The following RBMS3 variants were observed in gnomAD, a reference collection of about 807,000 sequenced individuals.
RBMS3 encodes the protein RNA-binding motif, single-stranded-interacting protein 3.
Under a neutral mutation model 66.8 loss-of-function variants are expected in RBMS3, and 27 were observed. That is an observed-to-expected ratio of 0.40 (90% CI 0.30 to 0.56). The LOEUF (loss-of-function observed/expected upper bound fraction) is 0.56, where lower values mean the gene tolerates loss of function less well. RBMS3 is among the 20% of genes least tolerant of loss of function. RBMS3 has a pLI of 0.40. For synonymous variants in RBMS3, 188 were observed against 183.0 expected (o/e 1.03, Z -0.22); for missense variants, 513 against 549.5 (o/e 0.93, Z 0.66).
At chr3:29,725,142 A>T (rs540868956) in intron 4 of RBMS3, among the ~76,000 whole-genome samples, 1 of 152,320 alleles carries the variant, frequency 6.6e-6, no homozygotes, top group East Asian at 1.9e-4. Context: ...CAGGTGAGCT[A>T]CTTACTGAAT....
chr3:29,986,624 T>C (rs1698406676), intron 12 of RBMS3, among the ~76,000 whole-genome samples: 1 of 152,208 alleles, frequency 6.6e-6, no homozygotes, highest in Non-Finnish European at 1.5e-5. Context: ...ATCTACAACA[T>C]ACTCTATAGA....
At chr3:29,948,997 G>A (rs931328409) in intron 12 of RBMS3, among the ~76,000 whole-genome samples, 10 of 151,642 alleles carry the variant, frequency 6.6e-5, no homozygotes, top group African/African-American at 2.2e-4. Flanking sequence ...TGATATGTGC[G>A]CAAGTATTTG....
At chr3:29,546,107 T>TG (rs2045937840) in intron 3 of RBMS3, among the ~76,000 whole-genome samples, 4 of 111,208 alleles carry the variant, frequency 3.6e-5, no homozygotes, top group South Asian at 6.2e-4. Context: ...ATGAGACGGG[T>TG]TTGTGTGTGT....
chr3:29,788,554 G>A (rs770159693), intron 6 of RBMS3, among the ~76,000 whole-genome samples: 1 of 152,092 alleles, frequency 6.6e-6, no homozygotes, highest in Non-Finnish European at 1.5e-5. Flanking sequence ...TACAAGAAAA[G>A]CTGTCACATT....
intron 4 of RBMS3, among the ~76,000 whole-genome samples, chr3:29,650,641 A>G (rs1000181154): frequency 6.6e-6 from 1 of 152,124 alleles, no homozygotes; most frequent in Admixed American, 6.6e-5. Context: ...TGTGGCAGCC[A>G]AAGTGTCACT....
intron 8 of RBMS3, among the ~76,000 whole-genome samples, chr3:29,887,341 T>A (rs1421405272): frequency 6.6e-6 from 1 of 151,776 alleles, no homozygotes; most frequent in Non-Finnish European, 1.5e-5. Context: ...ATAATCCCCA[T>A]GTGTCAAGAG....
intron 2 of RBMS3, among the ~76,000 whole-genome samples, chr3:29,444,498 T>C (rs2041744134): frequency 6.6e-6 from 1 of 151,970 alleles, no homozygotes; most frequent in Non-Finnish European, 1.5e-5. Flanking sequence ...AGAAAGAAGT[T>C]TATAAAGGAA....
intron 10 of RBMS3, among the ~76,000 whole-genome samples, chr3:29,910,823 AT>A (rs1198741740): frequency 2.0e-5 from 3 of 152,004 alleles, no homozygotes; most frequent in Non-Finnish European, 4.4e-5. Context: ...GTACGGATTA[AT>A]CAGGTTTGCT....
chr3:29,876,802 G>A (rs1365965619), intron 7 of RBMS3, among the ~76,000 whole-genome samples: 9 of 151,220 alleles, frequency 6.0e-5, no homozygotes, highest in African/African-American at 2.2e-4. Flanking sequence ...GTGTATGTCT[G>A]AGTTTGGTAA....
intron 3 of RBMS3, among the ~76,000 whole-genome samples, chr3:29,513,087 A>C (rs2044477546): frequency 6.6e-6 from 1 of 152,192 alleles, no homozygotes; most frequent in Non-Finnish European, 1.5e-5. Flanking sequence ...TTGATTATAT[A>C]GGTCTCTCTC....
intron 6 of RBMS3, among the ~76,000 whole-genome samples, chr3:29,845,659 C>A (rs577614345): frequency 6.6e-6 from 1 of 152,104 alleles, no homozygotes; most frequent in South Asian, 2.1e-4. Context: ...AAACAATGGA[C>A]AAAATACATG....
intron 4 of RBMS3, among the ~76,000 whole-genome samples, chr3:29,603,950 A>T (rs1165643897): frequency 6.6e-6 from 1 of 151,974 alleles, no homozygotes; most frequent in African/African-American, 2.4e-5. Context: ...CAACTGCAAC[A>T]TCTATAAACA....
At chr3:29,763,082 C>A in intron 6 of RBMS3, 93 bp downstream of exon 6, 2 of 822,330 alleles carry the variant, frequency 2.4e-6, no homozygotes, top group Non-Finnish European at 3.9e-6. Context: ...TTGATCACTG[C>A]AGAGTTGGGG....
At chr3:29,310,439 A>G (rs903396196) in intron 1 of RBMS3, among the ~76,000 whole-genome samples, 1 of 151,728 alleles carries the variant, frequency 6.6e-6, no homozygotes, top group Non-Finnish European at 1.5e-5. Flanking sequence ...AATTACATGT[A>G]TGGTAGAATT....
intron 14 of RBMS3, among the ~76,000 whole-genome samples, chr3:29,994,371 C>G (rs572633536): frequency 6.6e-6 from 1 of 152,326 alleles, no homozygotes; most frequent in South Asian, 2.1e-4. Flanking sequence ...CCGCCATTGC[C>G]CAGGCTTGAT....
At chr3:29,653,858 C>CTAAT (rs1297941494) in intron 4 of RBMS3, among the ~76,000 whole-genome samples, 1 of 152,092 alleles carries the variant, frequency 6.6e-6, no homozygotes, top group Non-Finnish European at 1.5e-5. Context: ...TGAGGAAGAT[C>CTAAT]TAATGTTTTC....
intron 1 of RBMS3, among the ~76,000 whole-genome samples, chr3:29,356,195 G>A (rs1014536448): frequency 5.9e-5 from 9 of 152,132 alleles, no homozygotes; most frequent in African/African-American, 2.2e-4. Flanking sequence ...GTGGAAGGGT[G>A]TTTCAAAATT....
intron 1 of RBMS3, among the ~76,000 whole-genome samples, chr3:29,300,495 A>G (rs1477956870): frequency 6.6e-6 from 1 of 152,014 alleles, no homozygotes; most frequent in African/African-American, 2.4e-5. Context: ...GAATATGGAT[A>G]TAATGACTGA....
At chr3:29,861,477 A>C (rs2149535399) in intron 6 of RBMS3, among the ~76,000 whole-genome samples, 1 of 152,356 alleles carries the variant, frequency 6.6e-6, no homozygotes, top group Non-Finnish European at 1.5e-5. Flanking sequence ...AACTTAAATA[A>C]ATTGAATGTT....
Sources: allele counts gnomAD v4.1 joint callset (sites outside exome capture counted in the v4.1 genomes callset), GRCh38; gene constraint gnomAD v4.1.1; transcripts MANE v1.5; gene names NCBI Gene and HGNC (gene_info 2026-07-23, HGNC 2026-07-21).